ARHGAP24: variants seen among roughly 807,000 people sequenced by gnomAD.
ARHGAP24 encodes Rho GTPase activating protein 24.
ARHGAP24 carries 50 observed loss-of-function variants against 76.4 expected under a neutral mutation model. The observed-to-expected ratio is 0.65, with a 90% confidence interval of 0.52 to 0.83. ARHGAP24 has a LOEUF of 0.83. Among genes scored for constraint, ARHGAP24 ranks in the 40% least tolerant of loss-of-function variants. The pLI is 0.00. For missense variants in ARHGAP24, 930 were observed against 914.2 expected (o/e 1.02, Z -0.22); for synonymous variants, 345 against 323.3 (o/e 1.07, Z -0.72).
intron 1 of ARHGAP24, among the ~76,000 whole-genome samples, chr4:85,532,547 T>C (rs1345621723): frequency 1.3e-5 from 2 of 152,186 alleles, no homozygotes; most frequent in African/African-American, 2.4e-5. Context: ...TTTTCAACAA[T>C]TTGACCATAC....
At chr4:85,530,460 A>G (rs1725213158) in intron 1 of ARHGAP24, among the ~76,000 whole-genome samples, 1 of 152,034 alleles carries the variant, frequency 6.6e-6, no homozygotes, top group Admixed American at 6.6e-5. Flanking sequence ...GAGGTCTTCT[A>G]GAACACCATG....
chr4:85,894,998 A>C (rs1734082768), intron 3 of ARHGAP24, among the ~76,000 whole-genome samples: 1 of 37,662 alleles, frequency 2.7e-5, no homozygotes, highest in Non-Finnish European at 5.1e-5. Flanking sequence ...ACAAAACAAA[A>C]AGCAAAAAAA....
At chr4:85,882,447 T>C (rs543166903) in intron 3 of ARHGAP24, among the ~76,000 whole-genome samples, 2 of 152,244 alleles carry the variant, frequency 1.3e-5, no homozygotes, top group African/African-American at 4.8e-5. Context: ...ATAATTAAGA[T>C]GATATCATTA....
intron 2 of ARHGAP24, among the ~76,000 whole-genome samples, chr4:85,699,505 T>C (rs1159788220): frequency 6.6e-6 from 1 of 151,986 alleles, no homozygotes; most frequent in East Asian, 1.9e-4. Context: ...GGGAGGCTGA[T>C]GTGGGAGGAT....
chr4:85,931,010 G>A, intron 4 of ARHGAP24: 1 of 1,613,724 alleles, frequency 6.2e-7, no homozygotes, highest in South Asian at 1.1e-5. Context: ...ACTACATACA[G>A]AAGAATCAAA....
intron 3 of ARHGAP24, among the ~76,000 whole-genome samples, chr4:85,773,956 G>C (rs1480839225): frequency 6.6e-6 from 1 of 152,142 alleles, no homozygotes; most frequent in Non-Finnish European, 1.5e-5. Flanking sequence ...AATAGGAAAA[G>C]AGCACTTTTT....
intron 1 of ARHGAP24, among the ~76,000 whole-genome samples, chr4:85,541,633 C>A (rs1387672675): frequency 2.0e-5 from 3 of 151,954 alleles, no homozygotes; most frequent in Non-Finnish European, 2.9e-5. Flanking sequence ...GTACCAATTG[C>A]ATGATGATAT....
At chr4:85,636,436 GTCA>G (rs61046822) in intron 2 of ARHGAP24, among the ~76,000 whole-genome samples, 7,948 of 151,890 alleles carry the variant, frequency 0.052, 669 homozygotes, top group African/African-American at 0.18. Flanking sequence ...CTAACCTCAA[GTCA>G]TCATGTATCT....
At chr4:85,708,829 C>A (rs1027617107) in intron 2 of ARHGAP24, among the ~76,000 whole-genome samples, 1 of 152,142 alleles carries the variant, frequency 6.6e-6, no homozygotes, top group Non-Finnish European at 1.5e-5. Flanking sequence ...AAAATAAATT[C>A]TCCTGGGAGA....
At chr4:85,502,819 A>G (rs944863624) in intron 1 of ARHGAP24, among the ~76,000 whole-genome samples, 1 of 152,154 alleles carries the variant, frequency 6.6e-6, no homozygotes, top group Non-Finnish European at 1.5e-5. Context: ...GGAATGCTTC[A>G]AATTTTTGCC....
intron 9 of ARHGAP24, among the ~76,000 whole-genome samples, chr4:85,997,216 A>G (rs1416452703): frequency 1.3e-5 from 2 of 152,080 alleles, no homozygotes; most frequent in Non-Finnish European, 2.9e-5. Context: ...TTTTCTTTAA[A>G]TTCCTTTATA....
chr4:85,593,974 T>C (rs1728217188), intron 2 of ARHGAP24, among the ~76,000 whole-genome samples: 1 of 152,134 alleles, frequency 6.6e-6, no homozygotes. Context: ...GGATTTTTTT[T>C]CTATTTCTGT....
At chr4:85,859,767 G>A (rs1009541209) in intron 3 of ARHGAP24, among the ~76,000 whole-genome samples, 3 of 152,000 alleles carry the variant, frequency 2.0e-5, no homozygotes, top group Non-Finnish European at 4.4e-5. Context: ...TCATTTAAGA[G>A]CCTAAGCCTA....
At chr4:85,971,457 A>T (rs539543445) in intron 5 of ARHGAP24, among the ~76,000 whole-genome samples, 2 of 152,064 alleles carry the variant, frequency 1.3e-5, no homozygotes, top group Admixed American at 1.3e-4. Context: ...TTCAAATCAC[A>T]CTGAGGGTTC....
At chr4:85,849,716 T>C (rs1279595602) in intron 3 of ARHGAP24, among the ~76,000 whole-genome samples, 1 of 152,194 alleles carries the variant, frequency 6.6e-6, no homozygotes, top group African/African-American at 2.4e-5. Context: ...CATGTGGTTT[T>C]TGTCTTTGGT....
At chr4:85,771,651 A>G (rs1426860702) in intron 3 of ARHGAP24, among the ~76,000 whole-genome samples, 2 of 152,208 alleles carry the variant, frequency 1.3e-5, no homozygotes, top group African/African-American at 4.8e-5. Context: ...ATGTCTTCTA[A>G]AAGAGAAGCC....
At chr4:85,917,780 A>C (rs1013601478) in intron 3 of ARHGAP24, among the ~76,000 whole-genome samples, 2 of 152,162 alleles carry the variant, frequency 1.3e-5, no homozygotes, top group Non-Finnish European at 2.9e-5. Context: ...TTTATTGACA[A>C]CTTACATTTA....
chr4:85,649,017 GTGTGTGTGTGTGTGTGTGTT>G (rs1163382262), intron 2 of ARHGAP24, among the ~76,000 whole-genome samples: 1 of 39,848 alleles, frequency 2.5e-5, no homozygotes, highest in Non-Finnish European at 1.1e-4. Context: ...AAATATGTGT[GTGTGTGTGTGTGTGTGTGTT>G]TGTGTGTGTG....
chr4:85,599,955 G>A (rs1163162515), intron 2 of ARHGAP24, among the ~76,000 whole-genome samples: 1 of 152,060 alleles, frequency 6.6e-6, no homozygotes, highest in Admixed American at 6.6e-5. Flanking sequence ...AGGTATCATG[G>A]TTTGAGCCTC....
Sources: gnomAD v4.1 joint callset for allele counts (sites outside exome capture counted in the v4.1 genomes callset) on GRCh38, gnomAD v4.1.1 for gene constraint, MANE v1.5 for transcripts, NCBI Gene and HGNC (gene_info 2026-07-23, HGNC 2026-07-21) for gene names.